VPS13C: variants seen among roughly 807,000 people sequenced by gnomAD.
VPS13C encodes vacuolar protein sorting 13 homolog C.
VPS13C carries 358 observed loss-of-function variants against 456.8 expected under a neutral mutation model. The ratio of observed to expected loss-of-function variants is 0.78; its 90% CI spans 0.72 to 0.86. The LOEUF (loss-of-function observed/expected upper bound fraction) is 0.86, where lower values mean the gene tolerates loss of function less well. Among genes scored for constraint, VPS13C ranks in the 40% least tolerant of loss-of-function variants. The probability of loss-of-function intolerance (pLI) is 0.00; values close to 1 mark genes in which losing one functional copy is unlikely to be tolerated. For missense variants in VPS13C, 4,818 were observed against 4,385.4 expected, an observed-to-expected ratio of 1.10 and a Z score of -2.79; for synonymous variants, 1,578 against 1,486.7, an observed-to-expected ratio of 1.06 and a Z score of -1.41.
intron 82 of VPS13C, chr15:61,856,867 A>G (rs1253245549): frequency 6.3e-6 from 1 of 157,976 alleles, no homozygotes; most frequent in Non-Finnish European, 1.4e-5. Flanking sequence ...TATGCCTTCC[A>G]GTCAAGAACG....
chr15:61,872,125 A>G (rs914078384), intron 78 of VPS13C, 91 bp from the exon 79 acceptor site: 27 of 1,009,234 alleles, frequency 2.7e-5, no homozygotes, highest in Non-Finnish European at 3.8e-5. Flanking sequence ...CATACTGGAA[A>G]TAACAACAAC....
At chr15:61,929,213 A>T (rs1034951650) in intron 51 of VPS13C, among the ~76,000 whole-genome samples, 3 of 152,144 alleles carry the variant, frequency 2.0e-5, no homozygotes, top group African/African-American at 7.2e-5. Flanking sequence ...CCACCTATAA[A>T]ACAGGCCACT....
At chr15:62,004,731 C>T (rs981324052) in intron 15 of VPS13C, among the ~76,000 whole-genome samples, 4 of 150,644 alleles carry the variant, frequency 2.7e-5, no homozygotes, top group Middle Eastern at 3.2e-3. Context: ...TCTTTGTTCT[C>T]GTTGGTTTCA....
chr15:61,896,018 T>G (rs892114979), intron 66 of VPS13C, among the ~76,000 whole-genome samples: 1 of 152,222 alleles, frequency 6.6e-6, no homozygotes. Flanking sequence ...TTAACTACCC[T>G]GATCTAATCA....
At chr15:62,025,443 C>A (rs915211386) in intron 6 of VPS13C, among the ~76,000 whole-genome samples, 1 of 152,058 alleles carries the variant, frequency 6.6e-6, no homozygotes, top group African/African-American at 2.4e-5. Context: ...AGAATGAGTT[C>A]TCAAAGAAAT....
At chr15:61,864,831 AAAATGG>A in intron 81 of VPS13C, 3 of 981,962 alleles carry the variant, frequency 3.1e-6, no homozygotes, top group Non-Finnish European at 3.6e-6. Context: ...CTTCAAAGAG[AAAATGG>A]GAAATGAATT....
At chr15:62,058,941 A>C (rs939423885) in intron 1 of VPS13C, among the ~76,000 whole-genome samples, 1 of 144,218 alleles carries the variant, frequency 6.9e-6, no homozygotes, top group African/African-American at 2.9e-5. Context: ...AAAAAAAAAA[A>C]CAACAACAAC....
In VPS13C at chr15:61,972,668, T is replaced by C; in HGVS notation, c.2714A>G (p.Asn905Ser). 6.2e-7 allele frequency: 1 copy of C among 1,613,552 alleles called. No homozygotes were observed. The highest frequency in any genetic ancestry group is 8.5e-7 in the Non-Finnish European group (1 of 1,179,730). ...SELKKAAEVPNEELINLLLKF... is the reference protein window; with the variant it reads ...SELKKAAEVPSEELINLLLKF... Reference sequence around the variant, plus strand: ...GAGTAGAAGATTGATGAGCTCCTCATTTGGGACCTCTGCAGCTTTTTTAAG... The same window carrying C: ...GAGTAGAAGATTGATGAGCTCCTCACTTGGGACCTCTGCAGCTTTTTTAAG... Residue 905 changes from asparagine (N) to serine (S), a missense_variant, in exon 27 of 85, where the codon AAT becomes AGT. Physicochemically the swap from Asn to Ser is conservative, Grantham distance 46. Coordinates refer to ENST00000644861, the MANE Select transcript of VPS13C (RefSeq NM_020821.3).
At chr15:61,970,752 A>G (rs2045521361) in intron 27 of VPS13C, among the ~76,000 whole-genome samples, 1 of 151,890 alleles carries the variant, frequency 6.6e-6, no homozygotes, top group African/African-American at 2.4e-5. Flanking sequence ...TATCACCATG[A>G]AGTTTACATT....
At chr15:62,058,324 C>T (rs1032360536) in intron 1 of VPS13C, among the ~76,000 whole-genome samples, 1 of 152,108 alleles carries the variant, frequency 6.6e-6, no homozygotes, top group African/African-American at 2.4e-5. Context: ...TCATTTAATT[C>T]CTTAAATGTG....
chr15:61,913,172 C>T (rs2043354560), intron 62 of VPS13C, 139 bp downstream of exon 62: 1 of 655,306 alleles, frequency 1.5e-6, no homozygotes, highest in Non-Finnish European at 2.6e-6. Flanking sequence ...CCAGCCATCC[C>T]ATTACTGGGT....
intron 65 of VPS13C, 120 bp from the exon 66 acceptor site, chr15:61,907,510 C>G: frequency 7.8e-7 from 1 of 1,286,550 alleles, no homozygotes. Context: ...GTTAATAAAA[C>G]ACAACTCTAC....
chr15:62,026,452 C>T (rs1202548831), intron 6 of VPS13C, among the ~76,000 whole-genome samples: 4 of 152,084 alleles, frequency 2.6e-5, no homozygotes, highest in East Asian at 1.9e-4. Flanking sequence ...AGCTGTCGAT[C>T]TCAAGTTGGC....
intron 81 of VPS13C, chr15:61,865,964 AT>A (rs1215448700): frequency 2.0e-6 from 2 of 983,632 alleles, no homozygotes; most frequent in Non-Finnish European, 2.4e-6. Context: ...ATTATTTAGA[AT>A]TTGGCCATAT....
intron 21 of VPS13C, among the ~76,000 whole-genome samples, chr15:61,981,828 A>T (rs866761613): frequency 6.6e-6 from 1 of 152,276 alleles, no homozygotes; most frequent in African/African-American, 2.4e-5. Context: ...GTGCCACTGC[A>T]CTCCAGCCTG....
chr15:62,024,354 CA>C (rs2047561969), intron 6 of VPS13C, among the ~76,000 whole-genome samples: 1 of 152,012 alleles, frequency 6.6e-6, no homozygotes, highest in African/African-American at 2.4e-5. Flanking sequence ...ATATAAAGAA[CA>C]TTAAGTGGGC....
chr15:62,014,622 T>C (rs936698135), intron 9 of VPS13C, among the ~76,000 whole-genome samples: 2 of 152,142 alleles, frequency 1.3e-5, no homozygotes, highest in African/African-American at 4.8e-5. Flanking sequence ...AGGTTTACTA[T>C]TGCTGTAGTT....
In VPS13C at chr15:61,997,846, C is replaced by T. The variant is rs147465097; in HGVS notation, c.1353+2718G>A. ...CTGCTCCCCCTGTCTTCACTCTTGC[C>T]TTCCTTCCTACAGTCTGCTTTCAAA... is the stretch of plus-strand genomic sequence containing the variant. On this transcript the variant is annotated intron_variant, in intron 16 of 84. Transcript: ENST00000644861. Among the ~76,000 whole-genome samples the T allele has an allele frequency of 6.6e-3, 1,004 of 152,260 alleles. 10 individuals are homozygous for T. The highest frequency in any genetic ancestry group is 0.047 in the South Asian group (225 of 4,816).
chr15:62,047,157 G>A (rs2048434596), intron 1 of VPS13C, among the ~76,000 whole-genome samples: 1 of 151,812 alleles, frequency 6.6e-6, no homozygotes, highest in African/African-American at 2.4e-5. Context: ...GGTGTGCAGT[G>A]GCTCACACCT....
Sources: allele counts gnomAD v4.1 joint callset (sites outside exome capture counted in the v4.1 genomes callset), GRCh38; gene constraint gnomAD v4.1.1; transcripts MANE v1.5; gene names NCBI Gene and HGNC (gene_info 2026-07-23, HGNC 2026-07-21).